NLGN4X: variants seen among roughly 807,000 people sequenced by gnomAD.
NLGN4X encodes the protein neuroligin-4, X-linked.
Under a neutral mutation model 40.3 loss-of-function variants are expected in NLGN4X, and 3 were observed. The observed-to-expected ratio is 0.07, with a 90% CI of 0.03 to 0.19. NLGN4X has a LOEUF of 0.19. Ranked by LOEUF, NLGN4X falls within the 10% of genes least tolerant of loss-of-function variation. NLGN4X has a pLI of 1.00. For synonymous variants in NLGN4X, 270 were observed against 306.8 expected (o/e 0.88, Z 1.25); for missense variants, 382 against 708.3 (o/e 0.54, Z 5.23).
At chrX:5,898,855 C>T (rs2031677274) in intron 5 of NLGN4X, among the ~76,000 whole-genome samples, 1 of 112,102 alleles carries the variant, frequency 8.9e-6, no homozygotes, top group Admixed American at 9.5e-5. Flanking sequence ...CCCATACTTT[C>T]TCCTTGCGGG....
At chrX:6,088,610 T>C (rs1234161487) in intron 2 of NLGN4X, among the ~76,000 whole-genome samples, 1 of 110,903 alleles carries the variant, frequency 9.0e-6, no homozygotes, top group East Asian at 2.8e-4. Context: ...TAAAGGGGGG[T>C]TTGTGTAAGT....
rs1272285122 is a variant in NLGN4X, at chrX:5,988,202, A to C, written c.625+41078T>G. On this transcript the variant is annotated intron_variant, in intron 3 of 5. Coordinates refer to ENST00000381095, the MANE Select transcript of NLGN4X (RefSeq NM_181332.3). ...AATAGTCGTGAATTCACTTATTCCTAGATGTGAAACTCCAATAGGAACTGA... is the reference window on the plus strand; with the variant it reads ...AATAGTCGTGAATTCACTTATTCCTCGATGTGAAACTCCAATAGGAACTGA... Among the ~76,000 whole-genome samples, 5 of 112,223 alleles carry C rather than the reference A, an allele frequency of 4.5e-5. No homozygotes were observed. In the East Asian group the frequency reaches 1.4e-3, roughly 31 times the overall value.
At chrX:6,131,943 A>G (rs2039689432) in intron 2 of NLGN4X, among the ~76,000 whole-genome samples, 1 of 111,526 alleles carries the variant, frequency 9.0e-6, no homozygotes, top group South Asian at 3.8e-4. Flanking sequence ...GATCATTCTG[A>G]GGTGTGGAGG....
intron 4 of NLGN4X, among the ~76,000 whole-genome samples, chrX:5,905,019 A>G (rs2032100024): frequency 9.1e-6 from 1 of 109,794 alleles, no homozygotes; most frequent in Non-Finnish European, 1.9e-5. Flanking sequence ...TCTGTCAGAA[A>G]TGTGCAAGTA....
At chrX:5,967,698 G>A (rs781398057) in intron 3 of NLGN4X, among the ~76,000 whole-genome samples, 228 of 111,320 alleles carry the variant, frequency 2.0e-3, no homozygotes, top group Admixed American at 3.4e-3. Flanking sequence ...GGGATGATGT[G>A]CACGGGAGAG....
chrX:6,043,489 C>T (rs2037233618), intron 2 of NLGN4X, among the ~76,000 whole-genome samples: 1 of 111,355 alleles, frequency 9.0e-6, no homozygotes. Flanking sequence ...ATACTTTTCT[C>T]CGTAGTCAGG....
At chrX:6,003,122 G>A (rs779811410) in intron 3 of NLGN4X, among the ~76,000 whole-genome samples, 3 of 111,701 alleles carry the variant, frequency 2.7e-5, no homozygotes, top group Non-Finnish European at 3.8e-5. Flanking sequence ...GTATACAGGA[G>A]GATATCTTTA....
intron 3 of NLGN4X, among the ~76,000 whole-genome samples, chrX:6,006,331 A>G (rs752098027): frequency 1.8e-5 from 2 of 111,084 alleles, no homozygotes; most frequent in Non-Finnish European, 3.8e-5. Context: ...GTGTGGGCAG[A>G]TATCTAATAG....
chrX:5,959,248 T>C (rs1244567532), intron 3 of NLGN4X, among the ~76,000 whole-genome samples: 2 of 112,215 alleles, frequency 1.8e-5, no homozygotes, highest in Non-Finnish European at 3.8e-5. Flanking sequence ...CCTTAGTCCA[T>C]GGCTGAGCGT....
chrX:6,098,489 G>A (rs1468440942), intron 2 of NLGN4X, among the ~76,000 whole-genome samples: 2 of 110,829 alleles, frequency 1.8e-5, no homozygotes, highest in Non-Finnish European at 3.8e-5. Context: ...AAACCTTTGG[G>A]CTACATGACA....
intron 3 of NLGN4X, among the ~76,000 whole-genome samples, chrX:6,028,662 G>GAAA (rs61696018): frequency 1.4e-5 from 1 of 70,929 alleles, no homozygotes; most frequent in Non-Finnish European, 3.0e-5. Flanking sequence ...CCATCTCAAA[G>GAAA]AAAAAAAAAA....
At chrX:6,126,873 G>T (rs891578373) in intron 2 of NLGN4X, among the ~76,000 whole-genome samples, 3 of 112,280 alleles carry the variant, frequency 2.7e-5, no homozygotes, top group Non-Finnish European at 5.6e-5. Context: ...TGTACTATTT[G>T]AGTCATACTT....
chrX:6,125,572 C>G (rs1315062499), intron 2 of NLGN4X, among the ~76,000 whole-genome samples: 1 of 108,236 alleles, frequency 9.2e-6, no homozygotes, highest in Non-Finnish European at 1.9e-5. Context: ...AGTATAAGCC[C>G]TGGTATTAAA....
chrX:6,096,853 G>A (rs1322533998), intron 2 of NLGN4X, among the ~76,000 whole-genome samples: 1 of 111,383 alleles, frequency 9.0e-6, no homozygotes, highest in Non-Finnish European at 1.9e-5. Context: ...AAAATCATGG[G>A]TTGTTTGTTT....
intron 3 of NLGN4X, among the ~76,000 whole-genome samples, chrX:6,013,223 T>C (rs2036300517): frequency 9.0e-6 from 1 of 111,405 alleles, no homozygotes; most frequent in Admixed American, 9.6e-5. Context: ...ATAAAATATC[T>C]CCATTCCAGC....
chrX:6,130,064 T>G (rs1431795589), intron 2 of NLGN4X, among the ~76,000 whole-genome samples: 1 of 110,072 alleles, frequency 9.1e-6, no homozygotes, highest in East Asian at 2.9e-4. Context: ...TTTTTAGTCT[T>G]TTTTATAGAG....
intron 2 of NLGN4X, among the ~76,000 whole-genome samples, chrX:6,117,788 A>G (rs1467363186): frequency 2.8e-5 from 3 of 105,965 alleles, no homozygotes; most frequent in Non-Finnish European, 5.6e-5. Context: ...GGACAATCGC[A>G]TATGAGTGGA....
At chrX:6,177,975 A>G (rs1411259979) in intron 1 of NLGN4X, among the ~76,000 whole-genome samples, 1 of 111,477 alleles carries the variant, frequency 9.0e-6, no homozygotes, top group East Asian at 2.8e-4. Flanking sequence ...AGAAGGCACC[A>G]TCTACAAACC....
At chrX:6,055,094 G>A (rs745397317) in intron 2 of NLGN4X, among the ~76,000 whole-genome samples, 9 of 112,083 alleles carry the variant, frequency 8.0e-5, no homozygotes, top group Non-Finnish European at 1.5e-4. Flanking sequence ...GCCAGCAACC[G>A]TAGTTCAGGT....
Sources: allele counts gnomAD v4.1 joint callset (sites outside exome capture counted in the v4.1 genomes callset), GRCh38; gene constraint gnomAD v4.1.1; transcripts MANE v1.5; gene names NCBI Gene and HGNC (gene_info 2026-07-23, HGNC 2026-07-21).